CACNG5: variants seen among roughly 807,000 people sequenced by gnomAD.
CACNG5 encodes the protein voltage-dependent calcium channel gamma-5 subunit.
CACNG5 carries 18 observed loss-of-function variants against 24.8 expected under a neutral mutation model. That is an observed-to-expected ratio of 0.73 (90% confidence interval 0.50 to 1.08). The LOEUF is 1.08. CACNG5 is among the 50% of genes least tolerant of loss of function. The pLI is 0.00. For missense variants in CACNG5, 349 were observed against 367.9 expected, an observed-to-expected ratio of 0.95 and a Z score of 0.42; for synonymous variants, 157 against 149.1, an observed-to-expected ratio of 1.05 and a Z score of -0.39.
intron 1 of CACNG5, among the ~76,000 whole-genome samples, chr17:66,856,469 A>G (rs1976777282): frequency 6.6e-6 from 1 of 152,146 alleles, no homozygotes; most frequent in South Asian, 2.1e-4. Context: ...CCTGGTAACC[A>G]AGATGCTGAC....
chr17:66,839,613 G>A (rs1976535800), intron 1 of CACNG5, among the ~76,000 whole-genome samples: 1 of 151,354 alleles, frequency 6.6e-6, no homozygotes, highest in Admixed American at 6.6e-5. Context: ...GCGAGAGGGG[G>A]AGGTCTGGGA....
chr17:66,854,560 G>T (rs1048799914), intron 1 of CACNG5, among the ~76,000 whole-genome samples: 2 of 151,882 alleles, frequency 1.3e-5, no homozygotes, highest in Admixed American at 6.6e-5. Context: ...CAGGCATGGT[G>T]GTGGGCGCCT....
chr17:66,874,938 G>A (rs947794586), intron 1 of CACNG5, among the ~76,000 whole-genome samples: 3 of 152,128 alleles, frequency 2.0e-5, no homozygotes, highest in Non-Finnish European at 2.9e-5. Flanking sequence ...GTAAATGACA[G>A]GGTTTGGCTA....
Position 66,877,620 on chromosome 17 carries a change from G to A in CACNG5, c.196+92G>A, listed in dbSNP as rs1227488761. 15 of 1,074,426 alleles carry A rather than the reference G, an allele frequency of 1.4e-5. No individual in the cohort carries two copies. The East Asian group carries it at 3.0e-4, about 21-fold the overall frequency. The allele number at this position is 1,074,426 out of a possible 1,614,324, so 66.6% of individuals were successfully genotyped here. A position where few individuals can be genotyped will look rare whatever the true frequency, so the allele number is the denominator to read the frequency against. On this transcript the variant is annotated intron_variant, in intron 2 of 5. Transcript: ENST00000533854. Reference sequence around the variant, plus strand: ...TGGGAAGAGATGGCCAAGAGATGCTGGAAGGAGACCATTCACCACGGATGA... The same window carrying A: ...TGGGAAGAGATGGCCAAGAGATGCTAGAAGGAGACCATTCACCACGGATGA...
At chr17:66,880,240 G>T (rs973323251) in intron 3 of CACNG5, among the ~76,000 whole-genome samples, 2 of 152,248 alleles carry the variant, frequency 1.3e-5, no homozygotes, top group African/African-American at 4.8e-5. Context: ...TGCCATATTT[G>T]CAGGTGGTAT....
chr17:66,856,372 TG>T (rs1202599944), intron 1 of CACNG5, among the ~76,000 whole-genome samples: 2 of 152,224 alleles, frequency 1.3e-5, no homozygotes, highest in African/African-American at 4.8e-5. Context: ...ATGCAGTTGT[TG>T]GAAATATACT....
At chr17:66,856,859 T>A (rs1457435592) in intron 1 of CACNG5, among the ~76,000 whole-genome samples, 1 of 151,928 alleles carries the variant, frequency 6.6e-6, no homozygotes, top group Non-Finnish European at 1.5e-5. Context: ...TGTCCCTTTA[T>A]AGCCACACTG....
intron 3 of CACNG5, among the ~76,000 whole-genome samples, chr17:66,879,335 A>G (rs1274017740): frequency 1.3e-5 from 2 of 152,196 alleles, no homozygotes; most frequent in Non-Finnish European, 2.9e-5. Flanking sequence ...ACCTCAACAG[A>G]GTCGTTTCTG....
intron 1 of CACNG5, among the ~76,000 whole-genome samples, chr17:66,843,946 A>C (rs1976601343): frequency 8.1e-6 from 1 of 123,714 alleles, no homozygotes; most frequent in African/African-American, 3.0e-5. Flanking sequence ...GGGAAGAAAG[A>C]GGCCCTTGAC....
intron 1 of CACNG5, among the ~76,000 whole-genome samples, chr17:66,843,773 C>A (rs567380839): frequency 9.2e-5 from 14 of 152,220 alleles, no homozygotes; most frequent in African/African-American, 2.6e-4. Flanking sequence ...CTGCTCCTAT[C>A]TGGAAAGAAG....
intron 1 of CACNG5, among the ~76,000 whole-genome samples, chr17:66,849,037 C>T (rs543562076): frequency 8.6e-4 from 131 of 152,288 alleles, no homozygotes; most frequent in African/African-American, 3.0e-3. Context: ...GCCCTAGAGC[C>T]GGGAGGCCAT....
rs535546111 is a variant in CACNG5 at position 66,854,381 on chromosome 17, G to A, written c.-104+19131G>A. 6.6e-5 allele frequency among the ~76,000 whole-genome samples: 10 copies of A among 150,586 alleles called. No individual in the cohort carries two copies. In the South Asian group the frequency reaches 1.5e-3, roughly 22 times the overall value. ...AGGCAGAGTGCAGTGAGCCGAGATC[G>A]CGCCACTGCACTCCAGCCTGGGTGA... On this transcript the variant is annotated intron_variant, in intron 1 of 5. Coordinates refer to ENST00000533854, the MANE Select transcript of CACNG5 (RefSeq NM_145811.3).
intron 1 of CACNG5, among the ~76,000 whole-genome samples, chr17:66,858,157 G>T: frequency 6.6e-6 from 1 of 151,976 alleles, no homozygotes; most frequent in Non-Finnish European, 1.5e-5. Flanking sequence ...GCACCTCCCC[G>T]GCCCACCCCA....
intron 1 of CACNG5, among the ~76,000 whole-genome samples, chr17:66,862,297 TG>T (rs1306101788): frequency 6.6e-6 from 1 of 152,110 alleles, no homozygotes; most frequent in African/African-American, 2.4e-5. Flanking sequence ...GTACAGGTGT[TG>T]GGGAGACGTG....
At chr17:66,871,799 G>A (rs935796024) in intron 1 of CACNG5, among the ~76,000 whole-genome samples, 1 of 152,112 alleles carries the variant, frequency 6.6e-6, no homozygotes, top group Admixed American at 6.5e-5. Context: ...GGCGGAGCTT[G>A]CAGTGAGCCA....
At chr17:66,873,936 GTTT>G (rs4021785) in intron 1 of CACNG5, among the ~76,000 whole-genome samples, 15,791 of 144,484 alleles carry the variant, frequency 0.11, 1,405 homozygotes, top group African/African-American at 0.25. Flanking sequence ...CTCACAAGCT[GTTT>G]TTTTTTTTTT....
At chr17:66,845,422 C>T (rs1048397613) in intron 1 of CACNG5, among the ~76,000 whole-genome samples, 1 of 150,580 alleles carries the variant, frequency 6.6e-6, no homozygotes, top group Non-Finnish European at 1.5e-5. Flanking sequence ...AACAAACCTG[C>T]ACATTCTGCA....
At chr17:66,842,826 A>G (rs924981081) in intron 1 of CACNG5, among the ~76,000 whole-genome samples, 4 of 152,220 alleles carry the variant, frequency 2.6e-5, no homozygotes, top group African/African-American at 9.6e-5. Context: ...AGCTGGAACC[A>G]GGTGATGTGC....
At chr17:66,845,153 G>C (rs1976619557) in intron 1 of CACNG5, among the ~76,000 whole-genome samples, 2 of 152,146 alleles carry the variant, frequency 1.3e-5, no homozygotes, top group South Asian at 4.2e-4. Context: ...GGACATGGAT[G>C]AAGCTGGAAA....
Sources: gnomAD v4.1 joint callset for allele counts (sites outside exome capture counted in the v4.1 genomes callset) on GRCh38, gnomAD v4.1.1 for gene constraint, MANE v1.5 for transcripts, NCBI Gene and HGNC (gene_info 2026-07-23, HGNC 2026-07-21) for gene names.